LMTK3: variants seen among roughly 807,000 people sequenced by gnomAD.
LMTK3 encodes lemur tail kinase 3.
Under a neutral mutation model 116.7 loss-of-function variants are expected in LMTK3, and 27 were observed. That is an observed-to-expected ratio of 0.23 (90% confidence interval 0.17 to 0.32). The LOEUF (loss-of-function observed/expected upper bound fraction) is 0.32. Ranked by LOEUF, LMTK3 falls within the 10% of genes least tolerant of loss-of-function variation. The probability of loss-of-function intolerance (pLI) is 1.00; values close to 1 mark genes in which losing one functional copy is unlikely to be tolerated. For missense variants in LMTK3, 1,764 were observed against 2,068.5 expected (o/e 0.85, Z 2.86); for synonymous variants, 965 against 971.0 (o/e 0.99, Z 0.11).
intron 3 of LMTK3, 88 bp from the exon 4 acceptor site, chr19:48,509,601 G>A (rs1160400837): frequency 1.1e-5 from 12 of 1,080,406 alleles, no homozygotes; most frequent in South Asian, 1.6e-5. Context: ...GACTGAGACA[G>A]AGCAGACATC....
In LMTK3 at chr19:48,498,629, C is replaced by T; in HGVS notation, c.2440G>A (p.Glu814Lys). Residue 814 changes from glutamate (E) to lysine (K), a missense_variant, in exon 11 of 15, where the codon GAG (glutamate) becomes AAG (lysine). This residue lies in a region of LMTK3 where 1,028 missense variants were observed against 1,050.6 expected (regional missense o/e 0.98). Transcript: ENST00000600059. ...CGCGGCCGAGGGACCCCTTCCTCCT[C>T]GGCCGCCCCCCCACCTGGGAAGGCT... ...EGAFPGGGAA[E>K]EEGVPRPRAP... The T allele has an allele frequency of 1.9e-6, 3 of 1,541,768 alleles. No homozygotes were observed. Among genetic ancestry groups the T allele is most frequent in the Non-Finnish European group, 1.7e-6 (2 of 1,143,556 alleles).
At chr19:48,490,147 ACAGACT>A (rs979166554) in intron 14 of LMTK3, among the ~76,000 whole-genome samples, 1 of 152,222 alleles carries the variant, frequency 6.6e-6, no homozygotes, top group Non-Finnish European at 1.5e-5. Context: ...TGGAGAGGGC[ACAGACT>A]CAGAGGCCGC....
rs918377241 is a variant in LMTK3, at chr19:48,498,646, G to T, written c.2423C>A (p.Pro808Gln). The T allele has an allele frequency of 1.9e-5, 30 of 1,542,554 alleles. No individual in the cohort carries two copies. In the African/African-American group the frequency reaches 3.7e-4, roughly 19 times the overall value. Residue 808 changes from proline to glutamine, a missense_variant, in exon 11 of 15, where the codon CCA (proline) becomes CAA (glutamine). Coordinates refer to ENST00000600059, the MANE Select transcript of LMTK3 (RefSeq NM_001388485.1). ...TTCCTCCTCGGCCGCCCCCCCACCT[G>T]GGAAGGCTCCCTCTGGGGAAAAAGG... ...ETPFSPEGAFPGGGAAEEEGV... is the reference protein window; with the variant it reads ...ETPFSPEGAFQGGGAAEEEGV...
chr19:48,513,179 A>G, upstream of LMTK3: 1 of 1,601,766 alleles, frequency 6.2e-7, no homozygotes, highest in Non-Finnish European at 8.5e-7. This position sits in a 1 kb window ranked among gnomAD's most constrained non-coding sequence, Gnocchi z 5.6. Flanking sequence ...CAACCACAGC[A>G]CTTGCCTCAT....
intron 1 of LMTK3, among the ~76,000 whole-genome samples, 169 bp from the exon 2 acceptor site, chr19:48,510,761 G>A (rs1370482893): frequency 6.6e-6 from 1 of 152,170 alleles, no homozygotes; most frequent in Non-Finnish European, 1.5e-5. Flanking sequence ...GTTGTAGTTT[G>A]GGGCCTTCCC....
At chr19:48,496,836 A>G (rs1389472717) in intron 11 of LMTK3, among the ~76,000 whole-genome samples, 1 of 152,268 alleles carries the variant, frequency 6.6e-6, no homozygotes, top group Non-Finnish European at 1.5e-5. Context: ...GGCTGCAACC[A>G]TAAAAACAAA....
chr19:48,492,621 A>ATGG (rs1230433110), intron 12 of LMTK3, among the ~76,000 whole-genome samples: 2 of 152,064 alleles, frequency 1.3e-5, no homozygotes, highest in East Asian at 3.9e-4. Flanking sequence ...CAGCCTAGCC[A>ATGG]TGGCCCTTCC....
At position 48,498,094 on chromosome 19, in the gene LMTK3, C is replaced by G; in HGVS notation, c.2975G>C (p.Gly992Ala). Residue 992 changes from glycine (G) to alanine (A), a missense_variant, in exon 11 of 15, where the codon GGG (glycine) becomes GCG (alanine). Around this residue, in one of 7 missense-constraint regions of LMTK3, gnomAD observed 1,028 missense variants for 1,050.6 expected, o/e 0.98. Transcript: ENST00000600059. ...CTCGCTCTTTGGGGGTGTCAGGCCCCCATTCACCAGCACCTTCTCCCCGGC... is the reference window on the plus strand; with the variant it reads ...CTCGCTCTTTGGGGGTGTCAGGCCCGCATTCACCAGCACCTTCTCCCCGGC... The part of the protein sequence containing the change: ...PEAGEKVLVN[G>A]GLTPPKSEDK... 1.9e-6 allele frequency: 3 copies of G among 1,613,402 alleles called. No homozygotes were observed. The highest frequency in any genetic ancestry group is 2.5e-6 in the Non-Finnish European group (3 of 1,179,834).
chr19:48,499,889 G>A lies in LMTK3; in HGVS notation c.1180C>T (p.Pro394Ser). The A allele has an allele frequency of 1.3e-6, 2 of 1,598,082 alleles. No homozygotes were observed. Among genetic ancestry groups the A allele is most frequent in the Non-Finnish European group, 1.7e-6 (2 of 1,173,978 alleles). Residue 394 changes from proline (P) to serine (S), a missense_variant, in exon 11 of 15, where the codon CCA becomes TCA. Pro to Ser is a moderately conservative substitution (Grantham distance 74). Transcript: ENST00000600059. ...WYDILQSCWR[P>S]PAQRPSASDL... The stretch of plus-strand genomic sequence containing the variant: ...GAGGCTGAAGGGCGCTGGGCAGGTG[G>A]CCGCCAGCAGGACTGAAGAATGTCA...
rs1015138782 is a variant in LMTK3, at chr19:48,509,458, A to C, written c.417T>G (p.Ile139Met). The stretch of plus-strand genomic sequence containing the variant: ...TCACCTTCCCAAACCAGCCACTCCC[A>C]ATCTCCTGCAGGTAGCTCAGGTGCT... ...SRQHLSYLQE[I>M]GSGWFGKVIL... Residue 139 changes from isoleucine to methionine, a missense_variant, in exon 4 of 15, where the codon ATT becomes ATG. By Grantham distance (10) the Ile-to-Met change is conservative. Coordinates refer to ENST00000600059, the MANE Select transcript of LMTK3 (RefSeq NM_001388485.1). 1.3e-6 allele frequency: 2 copies of C among 1,559,338 alleles called. No individual in the cohort carries two copies. The highest frequency in any genetic ancestry group is 1.7e-6 in the Non-Finnish European group (2 of 1,150,882).
In LMTK3 at chr19:48,493,784, G is replaced by A; in HGVS notation, c.4002C>T (p.Arg1334=). ...CGCTGTCCTCTGGCTCGTCGGCCCCGCGCGGAGACTTGAGCAGCCCCCGCA... is the reference window on the plus strand; with the variant it reads ...CGCTGTCCTCTGGCTCGTCGGCCCCACGCGGAGACTTGAGCAGCCCCCGCA... ...RPLRGLLKSP[R]GADEPEDSEL... The change falls in exon 12 of 15, where the codon CGC becomes CGT. Residue 1334 remains arginine, a synonymous_variant. Coordinates refer to ENST00000600059, the MANE Select transcript of LMTK3 (RefSeq NM_001388485.1). 3.9e-6 allele frequency: 6 copies of A among 1,538,672 alleles called. No homozygotes were observed. The highest frequency in any genetic ancestry group is 5.2e-6 in the Non-Finnish European group (6 of 1,143,232).
In LMTK3 at chr19:48,498,083, G is replaced by A. The variant is rs368345403; in HGVS notation, c.2986C>T (p.Pro996Ser). 5 of 1,612,808 alleles carry A rather than the reference G, an allele frequency of 3.1e-6. No homozygotes were observed. The highest frequency in any genetic ancestry group is 2.7e-5 in the African/African-American group (2 of 74,860). Residue 996 changes from proline to serine, a missense_variant, in exon 11 of 15, where the codon CCC becomes TCC. Coordinates refer to ENST00000600059, the MANE Select transcript of LMTK3 (RefSeq NM_001388485.1). ...EKVLVNGGLT[P>S]PKSEDKVSEN... The stretch of plus-strand genomic sequence containing the variant: ...GACACCTTGTCCTCGCTCTTTGGGG[G>A]TGTCAGGCCCCCATTCACCAGCACC...
In LMTK3 at chr19:48,493,863, G is replaced by T; in HGVS notation, c.3923C>A (p.Ala1308Glu). The change falls in exon 12 of 15, where the codon GCA becomes GAA. Residue 1308 changes from alanine (A) to glutamate (E), a missense_variant. Coordinates refer to ENST00000600059, the MANE Select transcript of LMTK3 (RefSeq NM_001388485.1). ...AGPRGPGRAR[A>E]APVPVVVSSA... The stretch of plus-strand genomic sequence containing the variant: ...GCTCACCACGACGGGCACCGGGGCT[G>T]CTCGCGCCCTCCCGGGGCCCCGCGG... 1 of 1,218,692 alleles carries T rather than the reference G, an allele frequency of 8.2e-7. No homozygotes were observed. Among genetic ancestry groups the T allele is most frequent in the Non-Finnish European group, 1.0e-6 (1 of 979,534 alleles). 75.5% of individuals were successfully genotyped at this position (1,218,692 alleles called of 1,614,324 possible).
At chr19:48,513,103 A>T (rs751666997), upstream of LMTK3, 25 of 1,562,232 alleles carry the variant, frequency 1.6e-5, no homozygotes, top group East Asian at 5.6e-4. The surrounding 1 kb of genome is among the most constrained non-coding windows in gnomAD (Gnocchi z 5.6). Context: ...ACACAGACAC[A>T]GACACGCGCA....
At position 48,491,790 on chromosome 19, in the gene LMTK3, C is replaced by A. The variant is rs1007807486; in HGVS notation, c.4093-251G>T. Among the ~76,000 whole-genome samples, 3 of 152,176 alleles carry A rather than the reference C, an allele frequency of 2.0e-5. No homozygotes were observed. The highest frequency in any genetic ancestry group is 7.2e-5 in the African/African-American group (3 of 41,428). On this transcript the variant is annotated intron_variant, in intron 12 of 14. Transcript: ENST00000600059. This position sits in a 1 kb window ranked among gnomAD's most constrained non-coding sequence, Gnocchi z 5.1. Reference sequence around the variant, plus strand: ...CGGAGCCCCGCGCACAGCTAAGTAGCCCAACGCAGGGATTCTCTCCTGGCT... The same window carrying A: ...CGGAGCCCCGCGCACAGCTAAGTAGACCAACGCAGGGATTCTCTCCTGGCT...
Position 48,511,553 on chromosome 19 carries a change from G to T in LMTK3, c.24C>A (p.Ile8=). ...CGGAGGCGGAGACGGCCGCAAGGAGGATGAGGGCGCCGGGGGCAGGCATCT... is the reference window on the plus strand; with the variant it reads ...CGGAGGCGGAGACGGCCGCAAGGAGTATGAGGGCGCCGGGGGCAGGCATCT... MPAPGAL[I]LLAAVSASGC... is the part of the protein sequence containing the mutation. The change falls in exon 1 of 15, where the codon ATC becomes ATA. Residue 8 remains isoleucine, a synonymous_variant. Transcript: ENST00000600059. The T allele has an allele frequency of 6.9e-7, 1 of 1,446,232 alleles. No individual in the cohort carries two copies. The highest frequency in any genetic ancestry group is 9.2e-7 in the Non-Finnish European group (1 of 1,087,010). The allele number at this position is 1,446,232 out of a possible 1,614,324, so 89.6% of individuals were successfully genotyped here.
chr19:48,496,802 C>T (rs987395199), intron 11 of LMTK3, among the ~76,000 whole-genome samples: 7 of 152,222 alleles, frequency 4.6e-5, no homozygotes, highest in Admixed American at 4.6e-4. Flanking sequence ...CTTGAGCCAT[C>T]CACAGACAGG....
Position 48,491,227 on chromosome 19 carries a change from G to T in LMTK3, c.4247C>A (p.Ala1416Glu). ...AGGGGGGAGGAGGGGGAAATCCTCC[G>T]CCCACTCGAAACTGCCTCCTGCGGC... ...DSGFGGSFEWAEDFPLLPPPG... is the reference protein window; with the variant it reads ...DSGFGGSFEWEEDFPLLPPPG... The change falls in exon 14 of 15, where the codon GCG becomes GAG. Residue 1416 changes from alanine (A) to glutamate (E), a missense_variant. Transcript: ENST00000600059. This position sits in a 1 kb window ranked among gnomAD's most constrained non-coding sequence, Gnocchi z 5.1. 7.1e-7 allele frequency: 1 copy of T among 1,409,088 alleles called. No homozygotes were observed. Among genetic ancestry groups the T allele is most frequent in the Non-Finnish European group, 9.3e-7 (1 of 1,078,586 alleles). The allele number at this position is 1,409,088 out of a possible 1,614,324, so 87.3% of individuals were successfully genotyped here.
chr19:48,485,485 T>G lies in LMTK3; in HGVS notation c.*288A>C. The stretch of plus-strand genomic sequence containing the variant: ...CGAGGGGCTCCAGGCCCAAAAGAGT[T>G]CAGTTCAGTTCCGAGAAAGGCGGCT... On this transcript the variant is annotated 3_prime_UTR_variant, in exon 15 of 15. Coordinates refer to ENST00000600059, the MANE Select transcript of LMTK3 (RefSeq NM_001388485.1). 1 of 425,350 alleles carries G rather than the reference T, an allele frequency of 2.4e-6. No homozygotes were observed. The highest frequency in any genetic ancestry group is 4.3e-6 in the Non-Finnish European group (1 of 231,256). The allele number at this position is 425,350 out of a possible 1,614,324, so 26.3% of individuals were successfully genotyped here.
Sources: gnomAD v4.1 joint callset for allele counts (sites outside exome capture counted in the v4.1 genomes callset) on GRCh38, gnomAD v4.1.1 for gene constraint, gnomAD v4.1.1 regional missense constraint, Gnocchi (gnomAD v3.1) non-coding constraint, MANE v1.5 for transcripts, NCBI Gene and HGNC (gene_info 2026-07-23, HGNC 2026-07-21) for gene names.